Variants in FOXP2 observed in about 807,000 individuals in gnomAD.
The protein encoded by FOXP2 is forkhead box protein P2.
In FOXP2, 12 loss-of-function variants were observed where a neutral mutation model predicts 115.8. That is an observed-to-expected ratio of 0.10 (90% CI 0.07 to 0.17). The LOEUF (loss-of-function observed/expected upper bound fraction) is 0.17, where lower values mean the gene tolerates loss of function less well. Among genes scored for constraint, FOXP2 ranks in the 10% least tolerant of loss-of-function variants. FOXP2 has a pLI of 1.00. For synonymous variants in FOXP2, 328 were observed against 297.7 expected (o/e 1.10, Z -1.05); for missense variants, 629 against 843.5 (o/e 0.75, Z 3.15).
At chr7:114,591,261 T>C (rs976292135) in intron 3 of FOXP2, among the ~76,000 whole-genome samples, 2 of 152,104 alleles carry the variant, frequency 1.3e-5, no homozygotes, top group Admixed American at 1.3e-4. Context: ...TTTTTAATGA[T>C]TGGTTTACTG....
chr7:114,248,710 G>A (rs775547981), intron 1 of FOXP2, among the ~76,000 whole-genome samples: 19 of 152,268 alleles, frequency 1.2e-4, no homozygotes, highest in African/African-American at 3.6e-4. Flanking sequence ...GGGGTTGACC[G>A]TTTAGTAGAC....
At chr7:114,167,602 C>T (rs976662806) in intron 1 of FOXP2, among the ~76,000 whole-genome samples, 3 of 151,910 alleles carry the variant, frequency 2.0e-5, no homozygotes, top group Non-Finnish European at 4.4e-5. Context: ...GTGCTGTTCT[C>T]GTGATGGTGG....
intron 8 of FOXP2, among the ~76,000 whole-genome samples, chr7:114,646,653 T>C (rs1805917404): frequency 6.6e-6 from 1 of 151,992 alleles, no homozygotes; most frequent in Non-Finnish European, 1.5e-5. Context: ...TGCTTTAGAT[T>C]CACTAACTCA....
At chr7:114,652,012 C>T in intron 8 of FOXP2, among the ~76,000 whole-genome samples, 191 bp from the exon 9 acceptor site, 1 of 152,126 alleles carries the variant, frequency 6.6e-6, no homozygotes, top group East Asian at 1.9e-4. Flanking sequence ...TTTGAAGAGT[C>T]TCTTTACATT....
At chr7:114,638,970 C>T (rs114682396) in intron 6 of FOXP2, among the ~76,000 whole-genome samples, 1 of 152,160 alleles carries the variant, frequency 6.6e-6, no homozygotes, top group Non-Finnish European at 1.5e-5. Context: ...AACTGCCTGA[C>T]ATTTGTTACT....
intron 3 of FOXP2, among the ~76,000 whole-genome samples, chr7:114,591,493 T>C (rs1375284101): frequency 6.6e-6 from 1 of 152,176 alleles, no homozygotes; most frequent in East Asian, 1.9e-4. Flanking sequence ...TATAGTGAAT[T>C]ATGTTCAGTT....
chr7:114,457,624 C>T (rs566024195), intron 2 of FOXP2, among the ~76,000 whole-genome samples: 2 of 152,118 alleles, frequency 1.3e-5, no homozygotes, highest in South Asian at 2.1e-4. Context: ...CATGGCTGGG[C>T]GCAGTGGCTC....
intron 2 of FOXP2, among the ~76,000 whole-genome samples, chr7:114,389,584 A>G (rs1035900527): frequency 7.2e-5 from 11 of 152,344 alleles, no homozygotes; most frequent in African/African-American, 2.4e-4. Context: ...GAAAGGGCAT[A>G]TGAAGAAATT....
chr7:114,426,995 G>A (rs139303251), intron 2 of FOXP2, among the ~76,000 whole-genome samples: 1 of 151,694 alleles, frequency 6.6e-6, no homozygotes, highest in African/African-American at 2.4e-5. Context: ...GCTGCAGAAC[G>A]TGATACTTAG....
chr7:114,677,234 G>A (rs1364035045), intron 16 of FOXP2, among the ~76,000 whole-genome samples: 4 of 151,570 alleles, frequency 2.6e-5, no homozygotes, highest in African/African-American at 7.3e-5. Flanking sequence ...TAACTTCATG[G>A]AATTAATAAA....
At chr7:114,572,630 A>T (rs1801373651) in intron 3 of FOXP2, among the ~76,000 whole-genome samples, 1 of 151,814 alleles carries the variant, frequency 6.6e-6, no homozygotes, top group Non-Finnish European at 1.5e-5. Context: ...CCTAATTAGT[A>T]ACACTTTTTC....
intron 2 of FOXP2, among the ~76,000 whole-genome samples, chr7:114,518,730 T>G (rs1178638079): frequency 6.6e-6 from 1 of 152,146 alleles, no homozygotes; most frequent in African/African-American, 2.4e-5. Flanking sequence ...GGTCTTGAAC[T>G]CCTGATCTCA....
At chr7:114,174,098 T>C in intron 1 of FOXP2, among the ~76,000 whole-genome samples, 1 of 152,024 alleles carries the variant, frequency 6.6e-6, no homozygotes, top group East Asian at 1.9e-4. Context: ...TAGTAGTCTC[T>C]CTTTTGCCCT....
In FOXP2 at chr7:114,658,117, C is replaced by T. The variant is rs1285369301; in HGVS notation, c.1318C>T (p.Pro440Ser). ...GTCGAAGAATATGTTGGAGACATCC[C>T]CACAGAGCTTACCTCAAACCCCTAC... The part of the protein sequence containing the change: ...TMSKNMLETS[P>S]QSLPQTPTTP... Residue 440 changes from proline to serine, a missense_variant, in exon 11 of 17, where the codon CCA becomes TCA. This residue lies in a region of FOXP2 where 101 missense variants were observed against 116.0 expected (regional missense o/e 0.87). Coordinates refer to ENST00000350908, the MANE Select transcript of FOXP2 (RefSeq NM_014491.4). The T allele has an allele frequency of 6.2e-7, 1 of 1,613,898 alleles. No homozygotes were observed. Among genetic ancestry groups the T allele is most frequent in the South Asian group, 1.1e-5 (1 of 91,084 alleles).
chr7:114,559,679 G>A (rs546510279), intron 3 of FOXP2, among the ~76,000 whole-genome samples: 16 of 152,074 alleles, frequency 1.1e-4, no homozygotes, highest in African/African-American at 2.9e-4. Context: ...TCAGGAGATC[G>A]AGACCATACT....
intron 2 of FOXP2, among the ~76,000 whole-genome samples, chr7:114,337,417 A>T (rs1797879758): frequency 1.3e-5 from 2 of 151,266 alleles, no homozygotes. Context: ...TGAGCGATTC[A>T]ACTATTTTTA....
chr7:114,205,718 A>G (rs888822997), intron 1 of FOXP2, among the ~76,000 whole-genome samples: 1 of 152,204 alleles, frequency 6.6e-6, no homozygotes, highest in African/African-American at 2.4e-5. Context: ...TGTAGTTTCA[A>G]TGGAGGCCTC....
chr7:114,488,628 G>T (rs879387223), intron 2 of FOXP2, among the ~76,000 whole-genome samples: 20 of 151,952 alleles, frequency 1.3e-4, no homozygotes, highest in Middle Eastern at 3.2e-3. Context: ...AATGGCCATA[G>T]TTATATTAAA....
intron 5 of FOXP2, 42 bp downstream of exon 5, chr7:114,630,047 TAAG>T: frequency 6.2e-7 from 1 of 1,603,228 alleles, no homozygotes; most frequent in Non-Finnish European, 8.5e-7. Flanking sequence ...AGTTTGCAGT[TAAG>T]AAGGGGCTTT....
Sources: gnomAD v4.1 joint callset for allele counts (sites outside exome capture counted in the v4.1 genomes callset) on GRCh38, gnomAD v4.1.1 for gene constraint, gnomAD v4.1.1 regional missense constraint, MANE v1.5 for transcripts, NCBI Gene and HGNC (gene_info 2026-07-23, HGNC 2026-07-21) for gene names.